KRT79: variants seen among roughly 807,000 people sequenced by gnomAD.
KRT79 encodes keratin 79.
KRT79 carries 51 observed loss-of-function variants against 49.0 expected under a neutral mutation model. The observed-to-expected ratio is 1.04, with a 90% CI of 0.83 to 1.31. The LOEUF is 1.31. Ranked by LOEUF, KRT79 falls within the 40% of genes most tolerant of loss-of-function variation. The probability of loss-of-function intolerance (pLI) is 0.00; values close to 1 mark genes in which losing one functional copy is unlikely to be tolerated. For missense variants in KRT79, 728 were observed against 688.0 expected (o/e 1.06, Z -0.65); for synonymous variants, 312 against 286.6 (o/e 1.09, Z -0.90).
chr12:52,834,042 G>A lies in KRT79; in HGVS notation c.219C>T (p.Val73=). The part of the protein sequence containing the change: ...YNLGGHKSIS[V]SVAGGALLGR... ...CCAACAAGGCCCCTCCGGCCACACTGACAGAGATACTCTTGTGGCCCCCCA... is the reference window on the plus strand; with the variant it reads ...CCAACAAGGCCCCTCCGGCCACACTAACAGAGATACTCTTGTGGCCCCCCA... The change falls in exon 1 of 9, where the codon GTC becomes GTT. Residue 73 remains valine, a synonymous_variant. Transcript: ENST00000330553. 6.2e-7 allele frequency: 1 copy of A among 1,613,476 alleles called. No homozygotes were observed. Among genetic ancestry groups the A allele is most frequent in the Non-Finnish European group, 8.5e-7 (1 of 1,179,750 alleles).
intron 4 of KRT79, among the ~76,000 whole-genome samples, chr12:52,828,007 G>T (rs1281562218): frequency 6.6e-6 from 1 of 152,092 alleles, no homozygotes; most frequent in South Asian, 2.1e-4. Context: ...AACCCCAAAC[G>T]CAGCAAATGG....
Position 52,821,714 on chromosome 12 carries a change from T to C in KRT79, c.*158A>G, listed in dbSNP as rs771129993. 5.0e-5 allele frequency: 33 copies of C among 666,118 alleles called. No individual in the cohort carries two copies. Among genetic ancestry groups the C allele is most frequent in the Non-Finnish European group, 7.7e-5 (30 of 388,768 alleles). The allele number at this position is 666,118 out of a possible 1,614,324, so 41.3% of individuals were successfully genotyped here. A position where few individuals can be genotyped will look rare whatever the true frequency, so the allele number is the denominator to read the frequency against. On this transcript the variant is annotated 3_prime_UTR_variant, in exon 9 of 9. Coordinates refer to ENST00000330553, the MANE Select transcript of KRT79 (RefSeq NM_175834.3). ...GACCAAGGAGAAAACCTGAGTAGATTTGAGCGCTTCCCAAGATGCAAATAG... is the reference window on the plus strand; with the variant it reads ...GACCAAGGAGAAAACCTGAGTAGATCTGAGCGCTTCCCAAGATGCAAATAG...
chr12:52,822,261 T>C (rs368362179), intron 8 of KRT79, 84 bp downstream of exon 8: 14 of 1,444,096 alleles, frequency 9.7e-6, no homozygotes, highest in Middle Eastern at 1.7e-4. Flanking sequence ...GAGCATGCTT[T>C]AGGACAGGTA....
Position 52,827,310 on chromosome 12 carries a change from A to C in KRT79, c.855+2713T>G, listed in dbSNP as rs541693325. 3.3e-5 allele frequency among the ~76,000 whole-genome samples: 5 copies of C among 152,344 alleles called. No homozygotes were observed. In the East Asian group the frequency reaches 9.6e-4, roughly 29 times the overall value. ...ATAACCTGGCCCCACAAGAGCTGAG[A>C]CTTTGTCTTTGTTGCTATGTGGAAG... On this transcript the variant is annotated intron_variant, in intron 4 of 8. Transcript: ENST00000330553.
chr12:52,832,692 A>G (rs1940272391), intron 1 of KRT79, among the ~76,000 whole-genome samples: 1 of 152,178 alleles, frequency 6.6e-6, no homozygotes, highest in Non-Finnish European at 1.5e-5. Flanking sequence ...CCTGGGCCTC[A>G]GTCACATGCC....
In KRT79 at chr12:52,824,300, G is replaced by A; in HGVS notation, c.918C>T (p.Asn306=). The change falls in exon 5 of 9, where the codon AAC becomes AAT. Residue 306 remains asparagine, a synonymous_variant. Transcript: ENST00000330553. ...NTNVVLSMDN[N]RNLDLDSIIA... Reference sequence around the variant, plus strand: ...TGATGCTGTCCAGGTCCAGGTTGCGGTTGTTGTCCATGGACAGCACCACAT... The same window carrying A: ...TGATGCTGTCCAGGTCCAGGTTGCGATTGTTGTCCATGGACAGCACCACAT... The A allele has an allele frequency of 6.2e-7, 1 of 1,614,236 alleles. No individual in the cohort carries two copies. Among genetic ancestry groups the A allele is most frequent in the Non-Finnish European group, 8.5e-7 (1 of 1,180,046 alleles).
Position 52,830,294 on chromosome 12 carries a change from T to A in KRT79, c.699-2A>T, listed in dbSNP as rs1459722576. On this transcript the variant is annotated splice_acceptor_variant, in intron 2 of 8. Coordinates refer to ENST00000330553, the MANE Select transcript of KRT79 (RefSeq NM_175834.3). LOFTEE classifies it high-confidence loss of function. Reference sequence around the variant, plus strand: ...TGCTTGTTGATTTCATCCTCGTACCTGTTACACATGGGAGACTCAGGCCAG... The same window carrying A: ...TGCTTGTTGATTTCATCCTCGTACCAGTTACACATGGGAGACTCAGGCCAG... 1 of 1,614,092 alleles carries A rather than the reference T, an allele frequency of 6.2e-7. No homozygotes were observed.
At chr12:52,830,496 A>G in intron 2 of KRT79, 1 of 576,160 alleles carries the variant, frequency 1.7e-6, no homozygotes, top group South Asian at 2.1e-5. Context: ...CATTTTAGGG[A>G]AAGAGGCACA....
At chr12:52,826,322 TG>T (rs1390740932) in intron 4 of KRT79, among the ~76,000 whole-genome samples, 2 of 151,818 alleles carry the variant, frequency 1.3e-5, no homozygotes, top group Non-Finnish European at 2.9e-5. Flanking sequence ...AAGGCTAGCC[TG>T]GGGAAAATGG....
chr12:52,830,001 C>T lies in KRT79; in HGVS notation c.855+22G>A, dbSNP rs373415331. On this transcript the variant is annotated intron_variant, in intron 4 of 8. Coordinates refer to ENST00000330553, the MANE Select transcript of KRT79 (RefSeq NM_175834.3). Reference sequence around the variant, plus strand: ...GCTGTTTATAGTGTATGCAAACTCTCCCTGCCCATTGGCCACCTCACCATT... The same window carrying T: ...GCTGTTTATAGTGTATGCAAACTCTTCCTGCCCATTGGCCACCTCACCATT... 6.2e-6 allele frequency: 10 copies of T among 1,607,152 alleles called. 1 individual carries two copies. The African/African-American group carries it at 1.3e-4, about 21-fold the overall frequency.
chr12:52,831,424 A>G lies in KRT79; in HGVS notation c.680T>C (p.Val227Ala), dbSNP rs778077818. The change falls in exon 2 of 9, where the codon GTG (valine) becomes GCG (alanine). Residue 227 changes from valine (V) to alanine (A), a missense_variant. By Grantham distance (64) the Val-to-Ala change is moderately conservative. Coordinates refer to ENST00000330553, the MANE Select transcript of KRT79 (RefSeq NM_175834.3). ...TCCTCACTTGTTCTTGAAGTCCTCC[A>G]CAAGGTCCTGCACGTTCCTGAGCTC... ...DSELRNVQDLVEDFKNKYEDE... is the reference protein window; with the variant it reads ...DSELRNVQDLAEDFKNKYEDE... The G allele has an allele frequency of 1.2e-6, 2 of 1,614,118 alleles. No individual in the cohort carries two copies. Among genetic ancestry groups the G allele is most frequent in the South Asian group, 2.2e-5 (2 of 91,078 alleles).
chr12:52,827,257 G>T (rs933201998), intron 4 of KRT79, among the ~76,000 whole-genome samples: 1 of 151,340 alleles, frequency 6.6e-6, no homozygotes, highest in African/African-American at 2.5e-5. Flanking sequence ...TTGCACCTGT[G>T]CCTGTCCCCC....
intron 6 of KRT79, 151 bp from the exon 7 acceptor site, chr12:52,823,387 A>G (rs777801271): frequency 5.6e-6 from 4 of 708,406 alleles, no homozygotes; most frequent in Non-Finnish European, 9.6e-6. Context: ...AAGAGATGCT[A>G]TTACACAAGC....
chr12:52,834,030 T>G lies in KRT79; in HGVS notation c.231A>C (p.Gly77=). The change falls in exon 1 of 9, where the codon GGA becomes GGC. Residue 77 remains glycine (G), a synonymous_variant. Coordinates refer to ENST00000330553, the MANE Select transcript of KRT79 (RefSeq NM_175834.3). The part of the protein sequence containing the change: ...GHKSISVSVA[G]GALLGRALGG... ...CCAGAGCCCGCCCCAACAAGGCCCC[T>G]CCGGCCACACTGACAGAGATACTCT... 1 of 1,613,092 alleles carries G rather than the reference T, an allele frequency of 6.2e-7. No homozygotes were observed. Among genetic ancestry groups the G allele is most frequent in the Non-Finnish European group, 8.5e-7 (1 of 1,179,636 alleles).
Position 52,830,133 on chromosome 12 carries a change from G to T in KRT79, c.760-15C>A, listed in dbSNP as rs1940230768. On this transcript the variant is annotated splice_polypyrimidine_tract_variant and intron_variant, in intron 3 of 8. Transcript: ENST00000330553. Reference sequence around the variant, plus strand: ...GCATCCACATCCTGGGGACGAGAGAGCAAGACAGATCCTCAGGCCCCAGGG... The same window carrying T: ...GCATCCACATCCTGGGGACGAGAGATCAAGACAGATCCTCAGGCCCCAGGG... 6.2e-6 allele frequency: 10 copies of T among 1,613,446 alleles called. No individual in the cohort carries two copies. Among genetic ancestry groups the T allele is most frequent in the Middle Eastern group, 3.3e-4 (2 of 6,060 alleles).
rs768167409 is a variant in KRT79, at chr12:52,831,466, C to T, written c.638G>A (p.Arg213Gln). ...RSTLDRLQSE[R>Q]GRLDSELRNV... is the part of the protein sequence containing the mutation. Reference sequence around the variant, plus strand: ...CCTGAGCTCTGAGTCCAGCCTCCCCCGCTCGCTCTGAAGTCTGTCCAGCGT... The same window carrying T: ...CCTGAGCTCTGAGTCCAGCCTCCCCTGCTCGCTCTGAAGTCTGTCCAGCGT... Residue 213 changes from arginine (R) to glutamine (Q), a missense_variant, in exon 2 of 9, where the codon CGG becomes CAG. By Grantham distance (43) the Arg-to-Gln change is conservative. Coordinates refer to ENST00000330553, the MANE Select transcript of KRT79 (RefSeq NM_175834.3). The T allele has an allele frequency of 2.7e-5, 44 of 1,614,120 alleles. No homozygotes were observed. Among genetic ancestry groups the T allele is most frequent in the South Asian group, 5.5e-5 (5 of 91,084 alleles).
chr12:52,833,371 T>C (rs1466970784), intron 1 of KRT79, among the ~76,000 whole-genome samples: 3 of 152,218 alleles, frequency 2.0e-5, no homozygotes, highest in Admixed American at 2.0e-4. Flanking sequence ...GAACAACTCT[T>C]TCAACTCCTG....
chr12:52,830,513 G>A (rs1193856352), intron 2 of KRT79: 2 of 562,030 alleles, frequency 3.6e-6, no homozygotes, highest in South Asian at 2.1e-5. Context: ...CACAGAATTT[G>A]TGCAATAATA....
At chr12:52,826,984 T>C (rs1003380116) in intron 4 of KRT79, among the ~76,000 whole-genome samples, 67 of 151,960 alleles carry the variant, frequency 4.4e-4, no homozygotes, top group African/African-American at 1.6e-3. Flanking sequence ...CCAGGCTTGG[T>C]CCCTACCACT....
Sources: allele counts gnomAD v4.1 joint callset (sites outside exome capture counted in the v4.1 genomes callset), GRCh38; gene constraint gnomAD v4.1.1; transcripts MANE v1.5; gene names NCBI Gene and HGNC (gene_info 2026-07-23, HGNC 2026-07-21).